The following KIAA1217 variants were observed in gnomAD, a reference collection of about 807,000 sequenced individuals.
The protein encoded by KIAA1217 is sickle tail protein homolog.
In KIAA1217, 88 loss-of-function variants were observed where a neutral mutation model predicts 163.9. The observed-to-expected ratio is 0.54, with a 90% CI of 0.45 to 0.64. The LOEUF (loss-of-function observed/expected upper bound fraction) is 0.64, where lower values mean the gene tolerates loss of function less well. Ranked by LOEUF, KIAA1217 falls within the 30% of genes least tolerant of loss-of-function variation. The pLI, the probability that KIAA1217 is intolerant of heterozygous loss-of-function variation, is 0.00. For synonymous variants in KIAA1217, 903 were observed against 923.1 expected, an observed-to-expected ratio of 0.98 and a Z score of 0.39; for missense variants, 2,372 against 2,475.0, an observed-to-expected ratio of 0.96 and a Z score of 0.88.
chr10:24,509,109 C>T (rs2068754268), intron 9 of KIAA1217, among the ~76,000 whole-genome samples: 1 of 152,162 alleles, frequency 6.6e-6, no homozygotes, highest in Admixed American at 6.5e-5. Context: ...TAAGCAAAAA[C>T]CAACTTAACA....
At chr10:24,281,498 G>A (rs1452643464) in intron 2 of KIAA1217, among the ~76,000 whole-genome samples, 2 of 152,266 alleles carry the variant, frequency 1.3e-5, no homozygotes, top group African/African-American at 4.8e-5. Flanking sequence ...CTTACCCTCA[G>A]TGAGACTGTT....
Position 24,112,466 on chromosome 10 carries a change from A to T in KIAA1217, c.-171+105092A>T, listed in dbSNP as rs149058812. On this transcript the variant is annotated intron_variant, in intron 2 of 18. Transcript: ENST00000376462. ...TGTTCTGAAAAATTTATGTCCACCCAGGACTTCAGAATGTGACCTTATTTG... is the reference window on the plus strand; with the variant it reads ...TGTTCTGAAAAATTTATGTCCACCCTGGACTTCAGAATGTGACCTTATTTG... Among the ~76,000 whole-genome samples the T allele has an allele frequency of 3.9e-5, 6 of 152,348 alleles. No homozygotes were observed. In the East Asian group the frequency reaches 9.6e-4, roughly 24 times the overall value.
Position 24,405,655 on chromosome 10 carries a change from A to C in KIAA1217, c.553+24588A>C, listed in dbSNP as rs547689584. 6.0e-4 allele frequency among the ~76,000 whole-genome samples: 91 copies of C among 152,340 alleles called. 1 individual carries two copies. The highest frequency in any genetic ancestry group is 2.2e-3 in the African/African-American group (91 of 41,586). The stretch of plus-strand genomic sequence containing the variant: ...TGATATGAGGTGTCATTTACTGAGC[A>C]TCTGCCCTGTGTCTGGAAACCTGCT... On this transcript the variant is annotated intron_variant, in intron 3 of 20. Coordinates refer to ENST00000376454, the MANE Select transcript of KIAA1217 (RefSeq NM_019590.5).
chr10:23,841,922 C>T (rs561743283), intron 1 of KIAA1217, among the ~76,000 whole-genome samples: 54 of 151,130 alleles, frequency 3.6e-4, no homozygotes, highest in Non-Finnish European at 7.1e-4. Context: ...GGCTGGAGTT[C>T]ACTGGCACCA....
chr10:23,829,143 A>C (rs1191029669), intron 1 of KIAA1217, among the ~76,000 whole-genome samples: 1 of 152,214 alleles, frequency 6.6e-6, no homozygotes, highest in Non-Finnish European at 1.5e-5. Flanking sequence ...TGAATATCAC[A>C]TTACTTTGCT....
intron 5 of KIAA1217, among the ~76,000 whole-genome samples, chr10:24,445,999 A>G (rs2060901167): frequency 6.6e-6 from 1 of 152,204 alleles, no homozygotes; most frequent in African/African-American, 2.4e-5. Flanking sequence ...TCCCACCAAT[A>G]GTGTAAAAGT....
At chr10:24,102,124 A>G (rs757222453) in intron 2 of KIAA1217, among the ~76,000 whole-genome samples, 2 of 152,230 alleles carry the variant, frequency 1.3e-5, no homozygotes, top group African/African-American at 2.4e-5. Flanking sequence ...CACAGATGAC[A>G]TGATTATCTA....
intron 2 of KIAA1217, among the ~76,000 whole-genome samples, chr10:24,281,429 T>C (rs1387991967): frequency 1.3e-5 from 2 of 152,186 alleles, no homozygotes; most frequent in African/African-American, 4.8e-5. Context: ...CTTACAGAAA[T>C]AGTTTGTTTC....
intron 1 of KIAA1217, among the ~76,000 whole-genome samples, chr10:24,000,831 G>A (rs1027865450): frequency 6.6e-5 from 10 of 152,216 alleles, no homozygotes; most frequent in South Asian, 6.2e-4. Flanking sequence ...AGCACTGCTC[G>A]CCCTCCGTGG....
chr10:23,750,345 C>T (rs142575568), intron 1 of KIAA1217, among the ~76,000 whole-genome samples: 1 of 152,260 alleles, frequency 6.6e-6, no homozygotes, highest in South Asian at 2.1e-4. Context: ...TCTTGCTGTC[C>T]TTCTCTCTAC....
intron 3 of KIAA1217, among the ~76,000 whole-genome samples, chr10:24,416,422 A>C (rs976871084): frequency 4.6e-5 from 7 of 152,200 alleles, no homozygotes; most frequent in Admixed American, 4.6e-4. Context: ...AAGGCAGAGA[A>C]GGTTCTGTTC....
intron 2 of KIAA1217, among the ~76,000 whole-genome samples, chr10:24,153,917 C>A (rs2131865626): frequency 6.6e-6 from 1 of 152,014 alleles, no homozygotes; most frequent in South Asian, 2.1e-4. Context: ...AGTTCAAGAC[C>A]AACCTGGGCA....
intron 1 of KIAA1217, among the ~76,000 whole-genome samples, chr10:23,739,062 T>C (rs897926869): frequency 4.6e-5 from 7 of 152,178 alleles, no homozygotes; most frequent in Admixed American, 3.9e-4. Flanking sequence ...GAAATACTAT[T>C]CACCTATAAA....
chr10:23,699,508 A>G (rs527897270), intron 1 of KIAA1217, among the ~76,000 whole-genome samples: 9 of 152,188 alleles, frequency 5.9e-5, no homozygotes, highest in Admixed American at 2.0e-4. Flanking sequence ...TGATCACTCC[A>G]TAAAGTGAGC....
chr10:23,992,570 T>A (rs568686770), intron 1 of KIAA1217, among the ~76,000 whole-genome samples: 1 of 151,990 alleles, frequency 6.6e-6, no homozygotes, highest in African/African-American at 2.4e-5. Flanking sequence ...ATATGTTTAT[T>A]TGGCAAACAA....
chr10:24,159,877 G>T (rs1377965207), intron 2 of KIAA1217, among the ~76,000 whole-genome samples: 4 of 152,190 alleles, frequency 2.6e-5, no homozygotes, highest in Non-Finnish European at 5.9e-5. Flanking sequence ...GATATATATA[G>T]AGTTTTTATC....
intron 1 of KIAA1217, among the ~76,000 whole-genome samples, chr10:23,956,649 G>A (rs1272163770): frequency 3.9e-5 from 6 of 152,070 alleles, no homozygotes; most frequent in Admixed American, 2.0e-4. Flanking sequence ...ACTGGGCCAC[G>A]GTTCTTCAGG....
chr10:23,728,540 C>T (rs772856142), intron 1 of KIAA1217, among the ~76,000 whole-genome samples: 8 of 150,670 alleles, frequency 5.3e-5, no homozygotes, highest in Non-Finnish European at 1.0e-4. Flanking sequence ...GTTTAAGCTT[C>T]TTGTAGATTC....
At chr10:24,235,101 T>A (rs1725393678) in intron 2 of KIAA1217, among the ~76,000 whole-genome samples, 1 of 152,196 alleles carries the variant, frequency 6.6e-6, no homozygotes, top group Admixed American at 6.5e-5. Context: ...ACCTCAGTCT[T>A]TGCTTCTAAG....
Sources: allele counts gnomAD v4.1 joint callset (sites outside exome capture counted in the v4.1 genomes callset), GRCh38; gene constraint gnomAD v4.1.1; transcripts MANE v1.5; gene names NCBI Gene and HGNC (gene_info 2026-07-23, HGNC 2026-07-21).